The following SGCD variants were observed in gnomAD, a reference collection of about 807,000 sequenced individuals.
SGCD encodes delta-sarcoglycan.
SGCD carries 18 observed loss-of-function variants against 36.6 expected under a neutral mutation model. That is an observed-to-expected ratio of 0.49 (90% CI 0.34 to 0.73). The LOEUF (loss-of-function observed/expected upper bound fraction) is 0.73, where lower values mean the gene tolerates loss of function less well. Among genes scored for constraint, SGCD ranks in the 30% least tolerant of loss-of-function variants. The pLI is 0.01. For synonymous variants in SGCD, 133 were observed against 130.6 expected (o/e 1.02, Z -0.12); for missense variants, 387 against 346.7 (o/e 1.12, Z -0.92).
In SGCD at chr5:155,981,128, G is replaced by A. The variant is rs921563373; in HGVS notation, c.-282+110704G>A. ...AAAGGCTCCAGCCCACTGAGATGAGGGCTGGGAAGAGGACCTGCATCTAGG... is the reference window on the plus strand; with the variant it reads ...AAAGGCTCCAGCCCACTGAGATGAGAGCTGGGAAGAGGACCTGCATCTAGG... On this transcript the variant is annotated intron_variant, in intron 1 of 9. Transcript: ENST00000517913. Among the ~76,000 whole-genome samples the A allele has an allele frequency of 7.2e-5, 11 of 152,300 alleles. No individual in the cohort carries two copies. In the East Asian group the frequency reaches 7.7e-4, roughly 11 times the overall value.
chr5:156,639,992 A>C (rs1323939586), intron 6 of SGCD, among the ~76,000 whole-genome samples: 1 of 152,018 alleles, frequency 6.6e-6, no homozygotes, highest in Non-Finnish European at 1.5e-5. Context: ...GTCCACACTT[A>C]TCTACCTGCC....
chr5:156,212,378 A>G (rs1414366986), intron 3 of SGCD, among the ~76,000 whole-genome samples: 1 of 152,224 alleles, frequency 6.6e-6, no homozygotes, highest in African/African-American at 2.4e-5. Flanking sequence ...ACCTTAAGTC[A>G]AAAGCTAAAA....
At chr5:156,622,823 A>T (rs1163876806) in intron 6 of SGCD, among the ~76,000 whole-genome samples, 2 of 152,056 alleles carry the variant, frequency 1.3e-5, no homozygotes, top group African/African-American at 4.8e-5. Flanking sequence ...GACGAAACCT[A>T]TTACGTGAGT....
chr5:156,667,285 G>C (rs1468650391), intron 7 of SGCD, among the ~76,000 whole-genome samples: 1 of 152,194 alleles, frequency 6.6e-6, no homozygotes, highest in Admixed American at 6.5e-5. Context: ...ACAAGGAGGA[G>C]TGTATATTGA....
intron 7 of SGCD, among the ~76,000 whole-genome samples, chr5:156,689,253 A>G (rs1378628690): frequency 6.6e-6 from 1 of 152,166 alleles, no homozygotes; most frequent in Non-Finnish European, 1.5e-5. Flanking sequence ...TCGAAATCCA[A>G]AATTAATCCA....
chr5:155,798,878 C>T, the SGCD span, among the ~76,000 whole-genome samples: 486 of 152,256 alleles, frequency 3.2e-3, 3 homozygotes, highest in African/African-American at 0.011. Flanking sequence ...TACATATGTT[C>T]GTTCCAGATG....
chr5:155,989,040 C>G (rs1201903861), intron 1 of SGCD, among the ~76,000 whole-genome samples: 2 of 152,142 alleles, frequency 1.3e-5, no homozygotes, highest in South Asian at 2.1e-4. Flanking sequence ...CAGGATGCTC[C>G]TTTTCTTCCT....
intron 6 of SGCD, among the ~76,000 whole-genome samples, chr5:156,616,905 G>C (rs965149423): frequency 1.3e-5 from 2 of 152,168 alleles, no homozygotes; most frequent in African/African-American, 4.8e-5. Flanking sequence ...TACAGTGGCA[G>C]AGTTGAGTAG....
At chr5:156,579,720 G>C (rs1431043396) in intron 4 of SGCD, among the ~76,000 whole-genome samples, 1 of 152,114 alleles carries the variant, frequency 6.6e-6, no homozygotes, top group Non-Finnish European at 1.5e-5. Flanking sequence ...TTTTATCAGA[G>C]ACTAGGATTG....
intron 3 of SGCD, among the ~76,000 whole-genome samples, chr5:156,202,861 G>A (rs1764185656): frequency 6.6e-6 from 1 of 150,638 alleles, no homozygotes; most frequent in African/African-American, 2.4e-5. Context: ...TGCCTCTTGT[G>A]ACATAACAGT....
At chr5:156,586,024 T>C (rs1448200896) in intron 4 of SGCD, among the ~76,000 whole-genome samples, 5 of 151,866 alleles carry the variant, frequency 3.3e-5, no homozygotes, top group Non-Finnish European at 7.4e-5. Flanking sequence ...GATACATTAT[T>C]ATTAACTAAA....
intron 3 of SGCD, among the ~76,000 whole-genome samples, chr5:156,167,419 T>C (rs1332950740): frequency 6.6e-6 from 1 of 152,208 alleles, no homozygotes; most frequent in Non-Finnish European, 1.5e-5. Context: ...CATGGCCTTG[T>C]ATAACACATG....
intron 3 of SGCD, among the ~76,000 whole-genome samples, chr5:156,470,584 A>C (rs961649910): frequency 6.6e-6 from 1 of 151,900 alleles, no homozygotes; most frequent in East Asian, 1.9e-4. Flanking sequence ...ATGAGTGAGA[A>C]CATGTGGTGT....
At chr5:156,309,138 C>T (rs545148156) in intron 3 of SGCD, among the ~76,000 whole-genome samples, 1 of 152,148 alleles carries the variant, frequency 6.6e-6, no homozygotes, top group African/African-American at 2.4e-5. Context: ...GAGGTTATCT[C>T]CTTGGGTTCG....
chr5:156,673,764 T>C (rs1020982948), intron 7 of SGCD, among the ~76,000 whole-genome samples: 1 of 152,226 alleles, frequency 6.6e-6, no homozygotes, highest in Non-Finnish European at 1.5e-5. Flanking sequence ...AGCTTCATGC[T>C]GAAGAAATAG....
intron 1 of SGCD, among the ~76,000 whole-genome samples, chr5:155,933,844 G>A (rs1214315923): frequency 1.3e-5 from 2 of 152,166 alleles, no homozygotes; most frequent in Non-Finnish European, 2.9e-5. Context: ...GTCATCCCTA[G>A]GTTATCTTCA....
At chr5:156,606,207 T>A (rs1022416404) in intron 6 of SGCD, among the ~76,000 whole-genome samples, 10 of 152,238 alleles carry the variant, frequency 6.6e-5, no homozygotes, top group Non-Finnish European at 1.5e-4. Context: ...TAATCCATCT[T>A]GAATTAATTT....
rs531991808 is a variant in SGCD at position 156,310,010 on chromosome 5, G to A, written c.-43-19524G>A. ...TGGAAATCAGATTCTCTTCCTCAGGGTTTGCTGCCTTGTTATTGTTTTGCT... is the reference window on the plus strand; with the variant it reads ...TGGAAATCAGATTCTCTTCCTCAGGATTTGCTGCCTTGTTATTGTTTTGCT... On this transcript the variant is annotated intron_variant, in intron 3 of 9. Coordinates refer to the SGCD transcript ENST00000517913. 3.9e-5 allele frequency among the ~76,000 whole-genome samples: 6 copies of A among 151,954 alleles called. No homozygotes were observed. In the South Asian group the frequency reaches 8.3e-4, roughly 21 times the overall value.
chr5:156,605,812 T>G (rs939151268), intron 6 of SGCD, among the ~76,000 whole-genome samples: 20 of 152,380 alleles, frequency 1.3e-4, no homozygotes, highest in African/African-American at 4.6e-4. Context: ...ATGATGAACA[T>G]TTTTTCATGT....
Sources: allele counts gnomAD v4.1 joint callset (sites outside exome capture counted in the v4.1 genomes callset), GRCh38; gene constraint gnomAD v4.1.1; transcripts MANE v1.5; gene names NCBI Gene and HGNC (gene_info 2026-07-23, HGNC 2026-07-21).